Variants in SMARCA4 observed in about 807,000 individuals in gnomAD.
SMARCA4 encodes SWI/SNF-related matrix-associated actin-dependent regulator of chromatin subfamily A member 4.
SMARCA4 carries 31 observed loss-of-function variants against 193.9 expected under a neutral mutation model. The observed-to-expected ratio is 0.16, with a 90% CI of 0.12 to 0.22. The LOEUF is 0.22. Among genes scored for constraint, SMARCA4 ranks in the 10% least tolerant of loss-of-function variants. SMARCA4 has a pLI of 1.00. For synonymous variants in SMARCA4, 942 were observed against 933.1 expected, an observed-to-expected ratio of 1.01 and a Z score of -0.17; for missense variants, 1,148 against 2,296.0, an observed-to-expected ratio of 0.50 and a Z score of 10.22.
rs753416197 is a variant in SMARCA4 at position 11,033,548 on chromosome 19, C to T, written c.3774+31C>T. ...CCCAGCACCGGCCCCGACCCCTCCCCAGCGTGAATGGTGGACGCGTGAGCG... is the reference window on the plus strand; with the variant it reads ...CCCAGCACCGGCCCCGACCCCTCCCTAGCGTGAATGGTGGACGCGTGAGCG... On this transcript the variant is annotated intron_variant, in intron 26 of 34. Coordinates refer to ENST00000344626, the MANE Select transcript of SMARCA4 (RefSeq NM_003072.5). The surrounding 1 kb of genome is among the most constrained non-coding windows in gnomAD (Gnocchi z 9.8). 1 of 1,541,224 alleles carries T rather than the reference C, an allele frequency of 6.5e-7. No homozygotes were observed. Among genetic ancestry groups the T allele is most frequent in the East Asian group, 2.2e-5 (1 of 44,540 alleles).
chr19:11,014,359 T>A (rs1229955127), intron 16 of SMARCA4, among the ~76,000 whole-genome samples: 1 of 152,164 alleles, frequency 6.6e-6, no homozygotes, highest in Non-Finnish European at 1.5e-5. Context: ...CCCAGAACCC[T>A]CCCAGGTTTA....
chr19:11,061,650 AC>A (rs1448142364), intron 34 of SMARCA4, 133 bp from the exon 35 acceptor site: 1 of 855,346 alleles, frequency 1.2e-6, no homozygotes, highest in Non-Finnish European at 2.0e-6. Flanking sequence ...TGCTGGGATT[AC>A]GGGCGTGAGC....
At chr19:11,015,313 C>T (rs1273106016) in intron 16 of SMARCA4, among the ~76,000 whole-genome samples, 1 of 152,224 alleles carries the variant, frequency 6.6e-6, no homozygotes, top group Non-Finnish European at 1.5e-5. Flanking sequence ...GGTCCAGGAT[C>T]CCACACTGTC....
chr19:11,010,166 C>G (rs2088682615), intron 14 of SMARCA4, among the ~76,000 whole-genome samples: 1 of 152,166 alleles, frequency 6.6e-6, no homozygotes, highest in Non-Finnish European at 1.5e-5. Context: ...CAATCAGGAC[C>G]CAGAGCTCCC....
chr19:10,985,344 G>A lies in SMARCA4; in HGVS notation c.294G>A (p.Met98Ile), dbSNP rs757214683. ...ACAACCAGATGAAAGGAATGGGGAT[G>A]CGGTCAGGGGGCCATGCTGGGATGG... ...PRYNQMKGMGMRSGGHAGMGP... is the reference protein window; with the variant it reads ...PRYNQMKGMGIRSGGHAGMGP... The change falls in exon 3 of 35, where the codon ATG becomes ATA. Residue 98 changes from methionine (M) to isoleucine (I), a missense_variant. Physicochemically the swap from Met to Ile is conservative, Grantham distance 10. This residue lies in a region of SMARCA4 where 201 missense variants were observed against 248.3 expected (regional missense o/e 0.81). Transcript: ENST00000344626. The surrounding 1 kb of genome is among the most constrained non-coding windows in gnomAD (Gnocchi z 4.5). The A allele has an allele frequency of 1.2e-6, 2 of 1,614,086 alleles. No individual in the cohort carries two copies. Among genetic ancestry groups the A allele is most frequent in the South Asian group, 2.2e-5 (2 of 91,082 alleles).
chr19:11,006,960 G>A (rs1452248229), intron 13 of SMARCA4, among the ~76,000 whole-genome samples: 1 of 151,878 alleles, frequency 6.6e-6, no homozygotes, highest in African/African-American at 2.4e-5. Context: ...CATAGTGCAC[G>A]CCTGTGGTCC....
chr19:11,015,620 C>G (rs1375767971), intron 16 of SMARCA4, among the ~76,000 whole-genome samples: 6 of 152,170 alleles, frequency 3.9e-5, no homozygotes, highest in Admixed American at 3.9e-4. Context: ...TTGTGAATAT[C>G]TCATTTCTCT....
chr19:11,037,701 A>T (rs1207519235), intron 29 of SMARCA4, among the ~76,000 whole-genome samples: 1 of 152,158 alleles, frequency 6.6e-6, no homozygotes, highest in East Asian at 1.9e-4. Context: ...ACCATCGCCT[A>T]TCCAAGGTCA....
Position 10,985,218 on chromosome 19 carries a change from G to A in SMARCA4, c.223-55G>A, listed in dbSNP as rs543401767. On this transcript the variant is annotated intron_variant, in intron 2 of 34. Transcript: ENST00000344626. This position sits in a 1 kb window ranked among gnomAD's most constrained non-coding sequence, Gnocchi z 4.5. ...CTTCTCTCGGGCAGCGCATAGCTGC[G>A]CTGCCACCTCACGTTCCACATGCTG... is the stretch of plus-strand genomic sequence containing the variant. 2.2e-3 allele frequency: 3,472 copies of A among 1,605,878 alleles called. 36 individuals are homozygous for A. The highest frequency in any genetic ancestry group is 0.011 in the South Asian group (1,028 of 90,876).
At chr19:10,978,424 A>C (rs905394083) in intron 1 of SMARCA4, among the ~76,000 whole-genome samples, 1 of 152,022 alleles carries the variant, frequency 6.6e-6, no homozygotes, top group African/African-American at 2.4e-5. Flanking sequence ...ACTTCCACCT[A>C]CCGGGTTCAA....
At chr19:11,023,658 A>G (rs758712688) in intron 20 of SMARCA4, 27 bp downstream of exon 20, 1 of 1,431,240 alleles carries the variant, frequency 7.0e-7, no homozygotes, top group Non-Finnish European at 9.8e-7. Flanking sequence ...GGGAGCCACC[A>G]GTGAAGCAGC....
At chr19:11,002,478 CA>C (rs1461691180) in intron 11 of SMARCA4, among the ~76,000 whole-genome samples, 1 of 150,388 alleles carries the variant, frequency 6.6e-6, no homozygotes, top group Non-Finnish European at 1.5e-5. Flanking sequence ...GACTCCATCT[CA>C]AAAAAATAAA....
chr19:11,027,499 T>C (rs1002942019), intron 23 of SMARCA4, among the ~76,000 whole-genome samples: 1 of 152,208 alleles, frequency 6.6e-6, no homozygotes, highest in Admixed American at 6.5e-5. Context: ...GTGCCGGCCA[T>C]GTGACTCACA....
At position 11,023,949 on chromosome 19, in the gene SMARCA4, A is replaced by G. The variant is rs1033077809; in HGVS notation, c.2973+318A>G. Reference sequence around the variant, plus strand: ...GCTTGGGGTTGCCCCCCGGCCCCCCATCATGGCTCTGGGTTTTCAAGGCCT... The same window carrying G: ...GCTTGGGGTTGCCCCCCGGCCCCCCGTCATGGCTCTGGGTTTTCAAGGCCT... On this transcript the variant is annotated intron_variant, in intron 20 of 34. Coordinates refer to ENST00000344626, the MANE Select transcript of SMARCA4 (RefSeq NM_003072.5). 1.3e-4 allele frequency among the ~76,000 whole-genome samples: 20 copies of G among 152,318 alleles called. No homozygotes were observed. In the East Asian group the frequency reaches 3.7e-3, roughly 28 times the overall value.
At chr19:11,056,359 C>A (rs914734401) in intron 30 of SMARCA4, 7 of 152,216 alleles carry the variant, frequency 4.6e-5, no homozygotes, top group Admixed American at 3.9e-4. Context: ...GGAGGGCCCA[C>A]GATGGGAATG....
rs116554823 is a variant in SMARCA4 at position 11,042,119 on chromosome 19, G to T, written c.4424+559G>T. Among the ~76,000 whole-genome samples, 3 of 152,334 alleles carry T rather than the reference G, an allele frequency of 2.0e-5. No individual in the cohort carries two copies. In the South Asian group the frequency reaches 6.2e-4, roughly 32 times the overall value. ...GTGGCCACACTCCTGCTCTCTGCCAGGCCCTGCTCCAAGCCTGGAGATCGC... is the reference window on the plus strand; with the variant it reads ...GTGGCCACACTCCTGCTCTCTGCCATGCCCTGCTCCAAGCCTGGAGATCGC... On this transcript the variant is annotated intron_variant, in intron 30 of 34. Coordinates refer to ENST00000344626, the MANE Select transcript of SMARCA4 (RefSeq NM_003072.5).
At position 10,986,820 on chromosome 19, in the gene SMARCA4, C is replaced by T. The variant is rs555382090; in HGVS notation, c.761-85C>T. 3 of 1,328,496 alleles carry T rather than the reference C, an allele frequency of 2.3e-6. No individual in the cohort carries two copies. The highest frequency in any genetic ancestry group is 3.2e-6 in the Non-Finnish European group (3 of 926,014). The allele number at this position is 1,328,496 out of a possible 1,614,324, so 82.3% of individuals were successfully genotyped here. A position where few individuals can be genotyped will look rare whatever the true frequency, so the allele number is the denominator to read the frequency against. On this transcript the variant is annotated intron_variant, in intron 4 of 34. Transcript: ENST00000344626. The surrounding 1 kb of genome is among the most constrained non-coding windows in gnomAD (Gnocchi z 6.7). ...GTTAATAGGTGTATCTGCTGTGTCCCCTGGAGCCAGGGCTGCCCACGGGGC... is the reference window on the plus strand; with the variant it reads ...GTTAATAGGTGTATCTGCTGTGTCCTCTGGAGCCAGGGCTGCCCACGGGGC...
intron 8 of SMARCA4, 135 bp downstream of exon 8, chr19:10,991,458 A>G: frequency 2.1e-6 from 3 of 1,398,872 alleles, no homozygotes; most frequent in Admixed American, 2.0e-5. Context: ...TTGTAACAGT[A>G]TTCTAGGTAC....
chr19:11,024,680 C>A (rs2090122344), intron 21 of SMARCA4, among the ~76,000 whole-genome samples: 1 of 152,156 alleles, frequency 6.6e-6, no homozygotes, highest in Non-Finnish European at 1.5e-5. Context: ...CTGGGCCCAG[C>A]ACTAACCCCA....
Sources: allele counts gnomAD v4.1 joint callset (sites outside exome capture counted in the v4.1 genomes callset), GRCh38; gene constraint gnomAD v4.1.1; regional missense constraint gnomAD v4.1.1; non-coding constraint Gnocchi (gnomAD v3.1); transcripts MANE v1.5; gene names NCBI Gene and HGNC (gene_info 2026-07-23, HGNC 2026-07-21).